Variants in FCHSD2 observed in about 807,000 individuals in gnomAD.
The protein encoded by FCHSD2 is F-BAR and double SH3 domains protein 2.
In FCHSD2, 38 loss-of-function variants were observed where a neutral mutation model predicts 108.1. That is an observed-to-expected ratio of 0.35 (90% CI 0.27 to 0.46). The LOEUF (loss-of-function observed/expected upper bound fraction) is 0.46, where lower values mean the gene tolerates loss of function less well. Among genes scored for constraint, FCHSD2 ranks in the 20% least tolerant of loss-of-function variants. The pLI is 1.00. For missense variants in FCHSD2, 751 were observed against 897.8 expected (o/e 0.84, Z 2.09); for synonymous variants, 279 against 314.7 (o/e 0.89, Z 1.20).
intron 5 of FCHSD2, among the ~76,000 whole-genome samples, chr11:72,996,972 A>G (rs762627315): frequency 1.3e-5 from 2 of 152,176 alleles, no homozygotes; most frequent in African/African-American, 2.4e-5. Flanking sequence ...TTTTTACGAG[A>G]CTGGGGAGAC....
rs114739106 is a variant in FCHSD2, at chr11:72,926,432, G to A, written c.706-4482C>T. Among the ~76,000 whole-genome samples, 1,204 of 152,200 alleles carry A rather than the reference G, an allele frequency of 7.9e-3. 20 individuals are homozygous for A. The highest frequency in any genetic ancestry group is 0.027 in the African/African-American group (1,128 of 41,532). ...CTCTCTGCTAATAGCTGGAGACGAT[G>A]GGATGGCCAGCTGCAGAGAGGAGTA... On this transcript the variant is annotated intron_variant, in intron 8 of 19. Coordinates refer to ENST00000409418, the MANE Select transcript of FCHSD2 (RefSeq NM_014824.3).
rs538431746 is a variant in FCHSD2, at chr11:72,875,352, A to G, written c.1147-7326T>C. The stretch of plus-strand genomic sequence containing the variant: ...TCTAGGGGTCAATATTATAAACTCT[A>G]TCTATCTATCTAGCTAGCTATTATT... On this transcript the variant is annotated intron_variant, in intron 12 of 19. Transcript: ENST00000409418. Among the ~76,000 whole-genome samples the G allele has an allele frequency of 2.6e-5, 4 of 152,310 alleles. No homozygotes were observed. In the South Asian group the frequency reaches 8.3e-4, roughly 32 times the overall value.
At chr11:72,908,944 G>A (rs548211131) in intron 9 of FCHSD2, among the ~76,000 whole-genome samples, 4 of 152,016 alleles carry the variant, frequency 2.6e-5, no homozygotes, top group African/African-American at 9.7e-5. Context: ...GTGAGCCATT[G>A]CATGTTGCCC....
chr11:73,094,167 C>T (rs142695604), intron 2 of FCHSD2, among the ~76,000 whole-genome samples: 334 of 152,120 alleles, frequency 2.2e-3, no homozygotes, highest in African/African-American at 7.2e-3. Context: ...GCCAAGACCA[C>T]GCCAATGCAC....
At chr11:73,043,751 C>T (rs1455358303) in intron 3 of FCHSD2, among the ~76,000 whole-genome samples, 2 of 152,280 alleles carry the variant, frequency 1.3e-5, no homozygotes, top group Non-Finnish European at 2.9e-5. Context: ...ATATGTGTTA[C>T]ATTCAGTTCT....
chr11:73,034,550 A>C (rs1424429084), intron 3 of FCHSD2, among the ~76,000 whole-genome samples: 2 of 152,252 alleles, frequency 1.3e-5, no homozygotes, highest in Non-Finnish European at 2.9e-5. Flanking sequence ...CTCTTGTGAA[A>C]ACATCTCAAG....
At chr11:72,849,676 G>T in intron 14 of FCHSD2, 79 bp downstream of exon 14, 1 of 1,113,700 alleles carries the variant, frequency 9.0e-7, no homozygotes, top group Non-Finnish European at 1.3e-6. Flanking sequence ...AGTACAGCTT[G>T]AGAGACTGGA....
intron 8 of FCHSD2, among the ~76,000 whole-genome samples, chr11:72,966,734 A>C (rs1856914248): frequency 6.6e-6 from 1 of 152,218 alleles, no homozygotes; most frequent in South Asian, 2.1e-4. Flanking sequence ...TAAAGGTAGG[A>C]GGAAAAGGCA....
chr11:72,848,632 T>C (rs377234825), intron 14 of FCHSD2, among the ~76,000 whole-genome samples: 1 of 152,360 alleles, frequency 6.6e-6, no homozygotes, highest in East Asian at 1.9e-4. Flanking sequence ...GCACTCTATA[T>C]GTTTATTCAA....
At chr11:73,061,459 C>T (rs1457186433) in intron 3 of FCHSD2, among the ~76,000 whole-genome samples, 2 of 152,158 alleles carry the variant, frequency 1.3e-5, no homozygotes, top group Non-Finnish European at 2.9e-5. Flanking sequence ...TGAGACAGAA[C>T]GATTCACTTC....
At chr11:73,057,766 C>T (rs566254652) in intron 3 of FCHSD2, among the ~76,000 whole-genome samples, 8 of 152,278 alleles carry the variant, frequency 5.3e-5, no homozygotes, top group Non-Finnish European at 7.4e-5. Context: ...ATCAGAGCTT[C>T]CCAAACAATG....
chr11:73,097,694 G>C (rs1238981287), intron 2 of FCHSD2, among the ~76,000 whole-genome samples: 1 of 143,248 alleles, frequency 7.0e-6, no homozygotes, highest in Non-Finnish European at 1.5e-5. Flanking sequence ...TCTGTAATCA[G>C]TTTTAGTAAT....
In FCHSD2 at chr11:73,138,604, ATT is replaced by A. The variant is rs535753859; in HGVS notation, c.119+1425_119+1426del. Among the ~76,000 whole-genome samples, 1,092 of 119,716 alleles carry A rather than the reference ATT, an allele frequency of 9.1e-3. 8 individuals are homozygous for A. The highest frequency in any genetic ancestry group is 0.019 in the East Asian group (77 of 4,146). 78.5% of individuals were successfully genotyped at this position (119,716 alleles called of 152,430 possible). The stretch of plus-strand genomic sequence containing the variant: ...AGAGTTTCAGATATCTTGCACAGGA[ATT>A]TTTTTTTTTTTTTTTTTTTTGAGAC... On this transcript the variant is annotated intron_variant, in intron 2 of 19. Coordinates refer to ENST00000409418, the MANE Select transcript of FCHSD2 (RefSeq NM_014824.3).
chr11:72,917,145 C>T (rs1254106869), intron 9 of FCHSD2, among the ~76,000 whole-genome samples: 2 of 152,052 alleles, frequency 1.3e-5, no homozygotes, highest in African/African-American at 4.8e-5. Context: ...CCACCACGCC[C>T]AGCCAATTTT....
intron 17 of FCHSD2, among the ~76,000 whole-genome samples, chr11:72,841,914 A>G (rs1860966732): frequency 6.6e-6 from 1 of 152,240 alleles, no homozygotes; most frequent in Non-Finnish European, 1.5e-5. Context: ...CAACAACAAA[A>G]GGAACAAGTT....
chr11:72,928,593 A>ACTAG lies in FCHSD2; in HGVS notation c.706-6647_706-6644dup, dbSNP rs1856124638. On this transcript the variant is annotated intron_variant, in intron 8 of 19. Coordinates refer to ENST00000409418, the MANE Select transcript of FCHSD2 (RefSeq NM_014824.3). ...CCAAGTGCTTTACAAAACTGACTCA[A>ACTAG]CTAGCTCTTCCTTAGCGTTTTCACA... Among the ~76,000 whole-genome samples the ACTAG allele has an allele frequency of 2.6e-5, 4 of 152,332 alleles. No homozygotes were observed. The South Asian group carries it at 8.3e-4, about 32-fold the overall frequency.
intron 2 of FCHSD2, among the ~76,000 whole-genome samples, chr11:73,094,448 A>T (rs1295987522): frequency 6.6e-6 from 1 of 152,252 alleles, no homozygotes; most frequent in East Asian, 1.9e-4. Context: ...GTGTCCACAA[A>T]AACACTTTTA....
intron 5 of FCHSD2, among the ~76,000 whole-genome samples, chr11:72,997,077 T>C (rs1197824215): frequency 1.3e-5 from 2 of 152,144 alleles, no homozygotes; most frequent in Non-Finnish European, 2.9e-5. Context: ...CAAAAATCTG[T>C]ATGCAATTTC....
intron 11 of FCHSD2, among the ~76,000 whole-genome samples, chr11:72,888,649 T>C (rs555561397): frequency 1.3e-5 from 2 of 151,938 alleles, no homozygotes; most frequent in Admixed American, 1.3e-4. Context: ...GACAGGGTCT[T>C]TCTCTGTCAC....
Sources: gnomAD v4.1 joint callset for allele counts (sites outside exome capture counted in the v4.1 genomes callset) on GRCh38, gnomAD v4.1.1 for gene constraint, MANE v1.5 for transcripts, NCBI Gene and HGNC (gene_info 2026-07-23, HGNC 2026-07-21) for gene names.